The following BNC2 variants were observed in gnomAD, a reference collection of about 807,000 sequenced individuals.
BNC2 encodes basonuclin zinc finger protein 2, also known as zinc finger protein basonuclin-2.
In BNC2, 20 loss-of-function variants were observed where a neutral mutation model predicts 76.3. That is an observed-to-expected ratio of 0.26 (90% CI 0.18 to 0.38). The LOEUF (loss-of-function observed/expected upper bound fraction) is 0.38, where lower values mean the gene tolerates loss of function less well. Among genes scored for constraint, BNC2 ranks in the 10% least tolerant of loss-of-function variants. The probability of loss-of-function intolerance (pLI) is 1.00; values close to 1 mark genes in which losing one functional copy is unlikely to be tolerated. For missense variants in BNC2, 1,382 were observed against 1,399.8 expected (o/e 0.99, Z 0.20); for synonymous variants, 582 against 514.8 (o/e 1.13, Z -1.77).
At chr9:16,765,754 C>T (rs1825672078) in intron 1 of BNC2, among the ~76,000 whole-genome samples, 1 of 150,628 alleles carries the variant, frequency 6.6e-6, no homozygotes, top group Admixed American at 6.6e-5. Flanking sequence ...AAAAAACTTA[C>T]TTCTTAGCAC....
At chr9:16,809,222 G>A (rs1246250405) in intron 1 of BNC2, among the ~76,000 whole-genome samples, 1 of 152,136 alleles carries the variant, frequency 6.6e-6, no homozygotes, top group Non-Finnish European at 1.5e-5. Flanking sequence ...AAGAACTGTT[G>A]ACAATGAGAT....
Position 16,711,069 on chromosome 9 carries a change from C to A in BNC2, c.330+16728G>T, listed in dbSNP as rs537027992. The stretch of plus-strand genomic sequence containing the variant: ...AATGAGAGCAGATGAATTAGTGCTA[C>A]GTGACACGATTTGAGCAGGGCTTCC... On this transcript the variant is annotated intron_variant, in intron 3 of 6. Transcript: ENST00000380672. Among the ~76,000 whole-genome samples the A allele has an allele frequency of 1.1e-4, 17 of 151,954 alleles. No homozygotes were observed. The South Asian group carries it at 2.3e-3, about 20-fold the overall frequency.
chr9:16,695,826 A>AT (rs1465881633), intron 3 of BNC2, among the ~76,000 whole-genome samples: 1 of 151,440 alleles, frequency 6.6e-6, no homozygotes, highest in East Asian at 1.9e-4. Context: ...CTCTCACTAG[A>AT]TTTTTCTAAG....
At chr9:16,559,127 T>G (rs991393280) in intron 4 of BNC2, among the ~76,000 whole-genome samples, 1 of 152,056 alleles carries the variant, frequency 6.6e-6, no homozygotes, top group Non-Finnish European at 1.5e-5. Context: ...AAAATAATGG[T>G]GAGGAAGAGT....
rs149613353 is a variant in BNC2 at position 16,418,972 on chromosome 9, T to C, written c.*17A>G. ...GCCATCTGGTGAGAGCTGGCATTTGTAGTGTCCATTCTGAGACTAATCTAC... is the reference window on the plus strand; with the variant it reads ...GCCATCTGGTGAGAGCTGGCATTTGCAGTGTCCATTCTGAGACTAATCTAC... On this transcript the variant is annotated 3_prime_UTR_variant, in exon 7 of 7. Coordinates refer to ENST00000380672, the MANE Select transcript of BNC2 (RefSeq NM_017637.6). 558 of 1,613,920 alleles carry C rather than the reference T, an allele frequency of 3.5e-4. 6 individuals carry two copies. In the East Asian group the frequency reaches 0.012, roughly 34 times the overall value.
intron 1 of BNC2, among the ~76,000 whole-genome samples, chr9:16,840,130 C>A: frequency 6.9e-6 from 1 of 144,962 alleles, no homozygotes; most frequent in East Asian, 2.1e-4. Flanking sequence ...AAAGATCAAA[C>A]AGGCAGTCAG....
intron 3 of BNC2, among the ~76,000 whole-genome samples, chr9:16,666,030 G>T (rs1376558124): frequency 1.3e-5 from 2 of 152,002 alleles, no homozygotes; most frequent in Non-Finnish European, 2.9e-5. Context: ...CCATTTCAAT[G>T]CAGATATTTA....
intron 3 of BNC2, among the ~76,000 whole-genome samples, chr9:16,652,984 A>G (rs1315212665): frequency 2.6e-5 from 4 of 152,148 alleles, no homozygotes; most frequent in African/African-American, 9.7e-5. Flanking sequence ...TACGGGATCA[A>G]GTTTTGAACT....
intron 5 of BNC2, among the ~76,000 whole-genome samples, chr9:16,524,889 C>T (rs1817744944): frequency 6.6e-6 from 1 of 152,120 alleles, no homozygotes; most frequent in Non-Finnish European, 1.5e-5. Flanking sequence ...GCCTGGGCAA[C>T]ATAGTTTGAC....
At chr9:16,854,811 T>C (rs1819213082) in intron 1 of BNC2, among the ~76,000 whole-genome samples, 1 of 151,688 alleles carries the variant, frequency 6.6e-6, no homozygotes, top group Non-Finnish European at 1.5e-5. Context: ...AGGGCAATGG[T>C]AGCAGAAAAA....
intron 5 of BNC2, among the ~76,000 whole-genome samples, chr9:16,444,296 C>T (rs1363513035): frequency 6.6e-6 from 1 of 152,122 alleles, no homozygotes; most frequent in African/African-American, 2.4e-5. Context: ...GGTACATGCT[C>T]ACAAATTTTT....
intron 4 of BNC2, among the ~76,000 whole-genome samples, chr9:16,571,684 T>C (rs1050293108): frequency 6.6e-6 from 1 of 152,152 alleles, no homozygotes; most frequent in African/African-American, 2.4e-5. Flanking sequence ...ATAAAAGCAA[T>C]GGCATTAATG....
chr9:16,813,962 C>G (rs1175370003), intron 1 of BNC2, among the ~76,000 whole-genome samples: 1 of 152,170 alleles, frequency 6.6e-6, no homozygotes, highest in Non-Finnish European at 1.5e-5. Context: ...CAACTAATCT[C>G]TGAGACTCCA....
intron 1 of BNC2, among the ~76,000 whole-genome samples, chr9:16,760,819 G>A (rs1825531532): frequency 6.6e-6 from 1 of 152,124 alleles, no homozygotes; most frequent in Non-Finnish European, 1.5e-5. Context: ...GTTGCTGACA[G>A]GAAATTTGGG....
At chr9:16,673,900 A>G (rs555327402) in intron 3 of BNC2, among the ~76,000 whole-genome samples, 4 of 152,236 alleles carry the variant, frequency 2.6e-5, no homozygotes, top group African/African-American at 7.2e-5. Context: ...AGTGACTGTT[A>G]TAATACCTTG....
At chr9:16,790,873 A>C (rs927473843) in intron 1 of BNC2, among the ~76,000 whole-genome samples, 1 of 144,084 alleles carries the variant, frequency 6.9e-6, no homozygotes, top group Non-Finnish European at 1.5e-5. Flanking sequence ...ATTTTAATCC[A>C]ATTTTAACAC....
chr9:16,722,747 G>A (rs920059547), intron 3 of BNC2, among the ~76,000 whole-genome samples: 1 of 152,276 alleles, frequency 6.6e-6, no homozygotes, highest in East Asian at 1.9e-4. Context: ...ATATGTTTGT[G>A]CATGCTTTAC....
At chr9:16,702,049 G>A (rs1211401235) in intron 3 of BNC2, among the ~76,000 whole-genome samples, 1 of 151,050 alleles carries the variant, frequency 6.6e-6, no homozygotes, top group Non-Finnish European at 1.5e-5. Flanking sequence ...ATAAAAAGAA[G>A]CACATTATTT....
chr9:16,525,030 G>A (rs1817751138), intron 5 of BNC2, among the ~76,000 whole-genome samples: 2 of 146,778 alleles, frequency 1.4e-5, no homozygotes. Context: ...CTGTGATAGC[G>A]CCACTGCACT....
Sources: gnomAD v4.1 joint callset for allele counts (sites outside exome capture counted in the v4.1 genomes callset) on GRCh38, gnomAD v4.1.1 for gene constraint, MANE v1.5 for transcripts, NCBI Gene and HGNC (gene_info 2026-07-23, HGNC 2026-07-21) for gene names.